The following DACH1 variants were observed in gnomAD, a reference collection of about 807,000 sequenced individuals.
The protein encoded by DACH1 is dachshund homolog 1.
DACH1 carries 12 observed loss-of-function variants against 54.2 expected under a neutral mutation model. That is an observed-to-expected ratio of 0.22 (90% CI 0.14 to 0.36). DACH1 has a LOEUF of 0.36. DACH1 is among the 10% of genes least tolerant of loss of function. DACH1 has a pLI of 1.00. For synonymous variants in DACH1, 386 were observed against 366.2 expected (o/e 1.05, Z -0.62); for missense variants, 805 against 929.8 (o/e 0.87, Z 1.75).
chr13:71,545,615 C>T (rs1883417094), intron 6 of DACH1, among the ~76,000 whole-genome samples: 1 of 151,068 alleles, frequency 6.6e-6, no homozygotes, highest in Non-Finnish European at 1.5e-5. Context: ...AAGGGATGAA[C>T]CTGTGAAACA....
chr13:71,835,185 A>G (rs1566531689), intron 1 of DACH1, among the ~76,000 whole-genome samples: 1 of 152,052 alleles, frequency 6.6e-6, no homozygotes. Flanking sequence ...AATGGTAACC[A>G]CCAGTCTGTT....
intron 10 of DACH1, among the ~76,000 whole-genome samples, chr13:71,461,516 C>T (rs1213849518): frequency 6.6e-6 from 1 of 152,022 alleles, no homozygotes; most frequent in Admixed American, 6.6e-5. Context: ...GAATCTGCAA[C>T]TTTGCATATA....
intron 1 of DACH1, among the ~76,000 whole-genome samples, chr13:71,787,805 C>A (rs1886667330): frequency 6.6e-6 from 1 of 152,032 alleles, no homozygotes; most frequent in South Asian, 2.1e-4. Context: ...TGGTGCAACT[C>A]TATAAAGGAA....
At chr13:71,788,011 A>AGTT (rs1886679136) in intron 1 of DACH1, among the ~76,000 whole-genome samples, 1 of 152,196 alleles carries the variant, frequency 6.6e-6, no homozygotes, top group South Asian at 2.1e-4. Context: ...ATTTAGTGAC[A>AGTT]GTTTAACTGA....
At chr13:71,748,952 CTCTCTTTCTT>C (rs796386565) in intron 1 of DACH1, among the ~76,000 whole-genome samples, 602 of 28,300 alleles carry the variant, frequency 0.021, 26 homozygotes, top group African/African-American at 0.039. Flanking sequence ...TTCTTTCTTT[CTCTCTTTCTT>C]TCTCTCTCTC....
intron 6 of DACH1, among the ~76,000 whole-genome samples, chr13:71,529,183 G>GTTTTTTTTTTTTTTTTTTTTTTTTTTT (rs10707603): frequency 9.9e-5 from 8 of 80,982 alleles, no homozygotes; most frequent in African/African-American, 3.5e-4. Flanking sequence ...TGTGATTTGG[G>GTTTTTTTTTTTTTTTTTTTTTTTTTTT]TTTTTTTTTT....
At chr13:71,845,263 A>G (rs1466046849) in intron 1 of DACH1, among the ~76,000 whole-genome samples, 1 of 152,194 alleles carries the variant, frequency 6.6e-6, no homozygotes, top group Non-Finnish European at 1.5e-5. Context: ...TATTATAAAT[A>G]AAGTGAATGA....
At chr13:71,457,585 C>T (rs1875691390) in intron 10 of DACH1, among the ~76,000 whole-genome samples, 1 of 151,938 alleles carries the variant, frequency 6.6e-6, no homozygotes, top group African/African-American at 2.4e-5. Context: ...TCATTCATTT[C>T]ATACAAGGAT....
intron 2 of DACH1, among the ~76,000 whole-genome samples, chr13:71,672,264 G>A (rs1287438664): frequency 6.6e-6 from 1 of 152,212 alleles, no homozygotes; most frequent in African/African-American, 2.4e-5. Context: ...CATTTTACAT[G>A]CAGAATACGT....
At chr13:71,479,786 A>G (rs192285023) in intron 7 of DACH1, among the ~76,000 whole-genome samples, 29 of 152,252 alleles carry the variant, frequency 1.9e-4, no homozygotes, top group Admixed American at 1.6e-3. Flanking sequence ...CATAGCCACA[A>G]TGGTCTCCTT....
chr13:71,460,047 T>A (rs1056393604), intron 10 of DACH1, among the ~76,000 whole-genome samples: 1 of 152,046 alleles, frequency 6.6e-6, no homozygotes, highest in Non-Finnish European at 1.5e-5. Flanking sequence ...TAAATGTCTA[T>A]GCTCTAATTT....
Position 71,865,943 on chromosome 13 carries a change from T to C in DACH1, c.827A>G (p.Tyr276Cys), listed in dbSNP as rs763323586. The change falls in exon 1 of 11, where the codon TAC becomes TGC. Residue 276 changes from tyrosine to cysteine, a missense_variant. Physicochemically the swap from Tyr to Cys is radical, Grantham distance 194 (BLOSUM62 -2). This residue lies in a region of DACH1 where 472 missense variants were observed against 545.3 expected (regional missense o/e 0.87). Transcript: ENST00000613252. ...TCACCTTGCGTTGGTGCAGTCATTG[T>C]AGAGGGTCTCGAAGTCCTTCCTGGA... The part of the protein sequence containing the change: ...LISRKDFETL[Y>C]NDCTNASSRP... 3.1e-6 allele frequency: 5 copies of C among 1,613,336 alleles called. No homozygotes were observed. The highest frequency in any genetic ancestry group is 4.2e-6 in the Non-Finnish European group (5 of 1,179,662).
intron 1 of DACH1, among the ~76,000 whole-genome samples, chr13:71,818,123 T>G (rs1191680444): frequency 6.6e-6 from 1 of 152,178 alleles, no homozygotes; most frequent in Non-Finnish European, 1.5e-5. Context: ...ATTTTCAAAG[T>G]ACATTTATGT....
At chr13:71,612,583 C>T (rs1446407707) in intron 3 of DACH1, among the ~76,000 whole-genome samples, 1 of 152,118 alleles carries the variant, frequency 6.6e-6, no homozygotes, top group African/African-American at 2.4e-5. Context: ...TTAAAAGTCA[C>T]ATAATGTCAA....
chr13:71,773,940 A>G (rs1350914767), intron 1 of DACH1, among the ~76,000 whole-genome samples: 1 of 151,880 alleles, frequency 6.6e-6, no homozygotes, highest in South Asian at 2.1e-4. Context: ...CTATAAATAG[A>G]ATAATGGCAC....
At chr13:71,722,685 A>G (rs1883281786) in intron 1 of DACH1, among the ~76,000 whole-genome samples, 1 of 152,224 alleles carries the variant, frequency 6.6e-6, no homozygotes, top group South Asian at 2.1e-4. Context: ...CTGAAAAGCC[A>G]GACACACAGT....
chr13:71,524,715 G>A (rs531692098), intron 6 of DACH1, among the ~76,000 whole-genome samples: 1 of 152,120 alleles, frequency 6.6e-6, no homozygotes, highest in South Asian at 2.1e-4. Context: ...AGAGCATATG[G>A]AGATAGCATA....
intron 4 of DACH1, among the ~76,000 whole-genome samples, chr13:71,564,507 T>C (rs1355572740): frequency 2.7e-5 from 4 of 147,590 alleles, no homozygotes; most frequent in Non-Finnish European, 6.0e-5. Context: ...AATAAACTAA[T>C]AGTAACCGGA....
rs538845533 is a variant in DACH1 at position 71,541,522 on chromosome 13, T to A, written c.1570+15502A>T. Among the ~76,000 whole-genome samples the A allele has an allele frequency of 1.2e-4, 18 of 152,236 alleles. No homozygotes were observed. In the South Asian group the frequency reaches 1.7e-3, roughly 14 times the overall value. On this transcript the variant is annotated intron_variant, in intron 6 of 10. Transcript: ENST00000613252. The stretch of plus-strand genomic sequence containing the variant: ...TCATTGCTTGACTCTAAGATCTGAA[T>A]AAAACTTTTTCTTTACAAGAAGCAC...
Sources: allele counts gnomAD v4.1 joint callset (sites outside exome capture counted in the v4.1 genomes callset), GRCh38; gene constraint gnomAD v4.1.1; regional missense constraint gnomAD v4.1.1; transcripts MANE v1.5; gene names NCBI Gene and HGNC (gene_info 2026-07-23, HGNC 2026-07-21).